The following DIP2C variants were observed in gnomAD, a reference collection of about 807,000 sequenced individuals.
The protein encoded by DIP2C is disco-interacting protein 2 homolog C.
In DIP2C, 33 loss-of-function variants were observed where a neutral mutation model predicts 192.4. That is an observed-to-expected ratio of 0.17 (90% CI 0.13 to 0.23). The LOEUF is 0.23. DIP2C is among the 10% of genes least tolerant of loss of function. The pLI is 1.00. For missense variants in DIP2C, 1,537 were observed against 2,110.1 expected, an observed-to-expected ratio of 0.73 and a Z score of 5.32; for synonymous variants, 979 against 864.1, an observed-to-expected ratio of 1.13 and a Z score of -2.33.
At chr10:460,007 A>ATC (rs1969639508) in intron 3 of DIP2C, among the ~76,000 whole-genome samples, 1 of 150,682 alleles carries the variant, frequency 6.6e-6, no homozygotes, top group East Asian at 2.0e-4. Flanking sequence ...GAGCTCTAGT[A>ATC]TCTTCCCACA....
chr10:424,417 G>C (rs750739940), intron 4 of DIP2C, among the ~76,000 whole-genome samples: 2 of 143,142 alleles, frequency 1.4e-5, no homozygotes, highest in Non-Finnish European at 3.0e-5. Context: ...CCAGGCTGGA[G>C]AGCAGTGGCG....
chr10:647,549 A>G (rs1855526491), intron 1 of DIP2C, among the ~76,000 whole-genome samples: 2 of 150,918 alleles, frequency 1.3e-5, no homozygotes, highest in South Asian at 4.2e-4. Flanking sequence ...GGGAGAGAAC[A>G]GAGGGAAACT....
chr10:531,902 T>C (rs943500829), intron 1 of DIP2C, among the ~76,000 whole-genome samples: 1 of 152,228 alleles, frequency 6.6e-6, no homozygotes, highest in African/African-American at 2.4e-5. Flanking sequence ...TACCATATTC[T>C]GTGGCAAAAT....
chr10:277,375 C>T lies in DIP2C; in HGVS notation c.4621G>A (p.Gly1541Arg), dbSNP rs1954569585. The change falls in exon 37 of 37, where the codon GGG (glycine) becomes AGG (arginine). Residue 1541 changes from glycine to arginine, a missense_variant. Physicochemically the swap from Gly to Arg is moderately radical, Grantham distance 125. Transcript: ENST00000280886. ...GGGTCTAGCTGGTCTGCCAAAAACC[C>T]GTCTCGCAGGTGCATGCGCTGCTTC... is the stretch of plus-strand genomic sequence containing the variant. Reference protein sequence around the residue: ...GEKQRMHLRDGFLADQLDPIY... With the variant: ...GEKQRMHLRDRFLADQLDPIY... 6.2e-7 allele frequency: 1 copy of T among 1,614,160 alleles called. No homozygotes were observed. Among genetic ancestry groups the T allele is most frequent in the Non-Finnish European group, 8.5e-7 (1 of 1,180,040 alleles).
intron 13 of DIP2C, among the ~76,000 whole-genome samples, chr10:389,323 C>T (rs1449192179): frequency 6.6e-6 from 1 of 152,042 alleles, no homozygotes; most frequent in Admixed American, 6.5e-5. Flanking sequence ...CTCTGGGGTC[C>T]CCGGGGTCGC....
At chr10:616,757 G>C (rs558294952) in intron 1 of DIP2C, among the ~76,000 whole-genome samples, 1 of 152,350 alleles carries the variant, frequency 6.6e-6, no homozygotes, top group East Asian at 1.9e-4. Context: ...GGCCAGGCAA[G>C]CATAGAGAGT....
chr10:482,483 G>A (rs923874896), intron 2 of DIP2C, among the ~76,000 whole-genome samples: 3 of 152,144 alleles, frequency 2.0e-5, no homozygotes, highest in Non-Finnish European at 2.9e-5. Context: ...AGGCTGTGCC[G>A]CACAGACAAA....
intron 10 of DIP2C, among the ~76,000 whole-genome samples, chr10:394,390 C>G (rs74446974): frequency 1.0e-4 from 11 of 106,382 alleles, no homozygotes; most frequent in East Asian, 6.4e-4. Flanking sequence ...GAGGAGGGAA[C>G]CCTGCCGTGT....
intron 2 of DIP2C, among the ~76,000 whole-genome samples, chr10:486,136 A>G (rs1205713851): frequency 6.9e-5 from 10 of 145,592 alleles, no homozygotes; most frequent in Non-Finnish European, 1.6e-4. Context: ...AATAGTAATA[A>G]ATAGCTCTCT....
At chr10:395,860 A>C (rs2132992895) in intron 10 of DIP2C, among the ~76,000 whole-genome samples, 1 of 152,246 alleles carries the variant, frequency 6.6e-6, no homozygotes, top group Non-Finnish European at 1.5e-5. Context: ...GTAAGTCCCC[A>C]GGGACCTCCC....
chr10:689,061 T>C lies in DIP2C; in HGVS notation c.85+433A>G, dbSNP rs538361469. 4.7e-3 allele frequency among the ~76,000 whole-genome samples: 711 copies of C among 151,848 alleles called. 6 individuals are homozygous for C. The highest frequency in any genetic ancestry group is 0.011 in the South Asian group (52 of 4,800). On this transcript the variant is annotated intron_variant, in intron 1 of 36. Transcript: ENST00000280886. The surrounding 1 kb of genome is among the most constrained non-coding windows in gnomAD (Gnocchi z 6.1). ...GCTGCTGCACCAAGGACGCCGCGGC[T>C]CCAGCGCAGAGCGCACGGGAAGGCC...
chr10:625,418 AGCACAGCTCTAATAACAGGCTTAC>A (rs1854134244), intron 1 of DIP2C, among the ~76,000 whole-genome samples: 1 of 152,248 alleles, frequency 6.6e-6, no homozygotes, highest in Admixed American at 6.5e-5. Context: ...TTTCTGGGCT[AGCACAGCTCTAATAACAGGCTTAC>A]GCTTTCTGCT....
chr10:540,626 C>T (rs1438387592), intron 1 of DIP2C, among the ~76,000 whole-genome samples: 1 of 152,162 alleles, frequency 6.6e-6, no homozygotes, highest in East Asian at 1.9e-4. Context: ...AAGAATATGG[C>T]GGTGATCGTG....
chr10:363,328 G>C lies in DIP2C; in HGVS notation c.2478-17C>G, dbSNP rs762574069. ...ACGGCTATCCTGCGGGGACACAGGA[G>C]CATGGTGAGCACGCGCCGGGGACGC... is the stretch of plus-strand genomic sequence containing the variant. On this transcript the variant is annotated splice_polypyrimidine_tract_variant and intron_variant, in intron 20 of 36. Coordinates refer to ENST00000280886, the MANE Select transcript of DIP2C (RefSeq NM_014974.3). This position sits in a 1 kb window ranked among gnomAD's most constrained non-coding sequence, Gnocchi z 5.4. 8.7e-6 allele frequency: 14 copies of C among 1,605,174 alleles called. No homozygotes were observed. The African/African-American group carries it at 1.6e-4, about 18-fold the overall frequency.
At chr10:408,893 T>C in intron 9 of DIP2C, 33 bp downstream of exon 9, 2 of 1,608,714 alleles carry the variant, frequency 1.2e-6, no homozygotes, top group Middle Eastern at 1.7e-4. Flanking sequence ...GACTCTTGTG[T>C]TTTGTAGATC....
At chr10:464,707 T>G (rs546120629) in intron 3 of DIP2C, among the ~76,000 whole-genome samples, 10 of 152,162 alleles carry the variant, frequency 6.6e-5, no homozygotes, top group Non-Finnish European at 1.3e-4. Context: ...CTGTTCACAA[T>G]AGCAAAAACT....
chr10:371,149 C>T (rs1960904738), intron 17 of DIP2C, among the ~76,000 whole-genome samples: 1 of 51,514 alleles, frequency 1.9e-5, no homozygotes, highest in African/African-American at 4.5e-5. Flanking sequence ...CTGCCACCAT[C>T]CCCTCACCCT....
At position 314,657 on chromosome 10, in the gene DIP2C, G is replaced by A. The variant is rs1243406234; in HGVS notation, c.3925-4565C>T. 3.3e-5 allele frequency among the ~76,000 whole-genome samples: 5 copies of A among 152,180 alleles called. No homozygotes were observed. In the South Asian group the frequency reaches 6.2e-4, roughly 19 times the overall value. On this transcript the variant is annotated intron_variant, in intron 31 of 36. Coordinates refer to ENST00000280886, the MANE Select transcript of DIP2C (RefSeq NM_014974.3). ...TGGCGATACGAGTCCCTCTGTGCTC[G>A]TCTGCTCCGCCTGCTGTGAAATACC...
Position 274,416 on chromosome 10 carries a change from T to A in DIP2C, c.*2909A>T, listed in dbSNP as rs1367291830. ...GTCACTTCCTTCCCGGGATTAAAGCTGTCCCAGACATCTTTCCAGGGGACC... is the reference window on the plus strand; with the variant it reads ...GTCACTTCCTTCCCGGGATTAAAGCAGTCCCAGACATCTTTCCAGGGGACC... On this transcript the variant is annotated 3_prime_UTR_variant, in exon 37 of 37. Coordinates refer to ENST00000280886, the MANE Select transcript of DIP2C (RefSeq NM_014974.3). 3 of 152,248 alleles carry A rather than the reference T, an allele frequency of 2.0e-5. No homozygotes were observed. The highest frequency in any genetic ancestry group is 4.4e-5 in the Non-Finnish European group (3 of 68,044). The allele number at this position is 152,248 out of a possible 1,614,324, so 9.4% of individuals were successfully genotyped here.
Sources: allele counts gnomAD v4.1 joint callset (sites outside exome capture counted in the v4.1 genomes callset), GRCh38; gene constraint gnomAD v4.1.1; non-coding constraint Gnocchi (gnomAD v3.1); transcripts MANE v1.5; gene names NCBI Gene and HGNC (gene_info 2026-07-23, HGNC 2026-07-21).